FOXO1: variants seen among roughly 807,000 people sequenced by gnomAD.
FOXO1 encodes forkhead box protein O1.
Under a neutral mutation model 44.1 loss-of-function variants are expected in FOXO1, and 6 were observed. The observed-to-expected ratio is 0.14, with a 90% confidence interval of 0.07 to 0.27. The LOEUF is 0.27. Among genes scored for constraint, FOXO1 ranks in the 10% least tolerant of loss-of-function variants. FOXO1 has a pLI of 1.00. For missense variants in FOXO1, 737 were observed against 888.8 expected (o/e 0.83, Z 2.17); for synonymous variants, 380 against 362.7 (o/e 1.05, Z -0.54).
At chr13:40,581,503 T>C (rs1044183274) in intron 1 of FOXO1, among the ~76,000 whole-genome samples, 8 of 152,202 alleles carry the variant, frequency 5.3e-5, no homozygotes, top group East Asian at 1.9e-4. Flanking sequence ...ACTACACCCA[T>C]AGTAAATTAA....
rs185042026 is a variant in FOXO1, at chr13:40,623,967, G to A, written c.630+41616C>T. Among the ~76,000 whole-genome samples, 136 of 149,928 alleles carry A rather than the reference G, an allele frequency of 9.1e-4. 1 individual carries two copies. Among genetic ancestry groups the A allele is most frequent in the East Asian group, 4.5e-3 (23 of 5,090 alleles). ...TTTTTTTTTTTAATTAGCCAGGCACGGTGGCGCACGCCTGTAGTCCCAGCT... is the reference window on the plus strand; with the variant it reads ...TTTTTTTTTTTAATTAGCCAGGCACAGTGGCGCACGCCTGTAGTCCCAGCT... On this transcript the variant is annotated intron_variant, in intron 1 of 2. Coordinates refer to ENST00000379561, the MANE Select transcript of FOXO1 (RefSeq NM_002015.4).
intron 1 of FOXO1, among the ~76,000 whole-genome samples, chr13:40,584,572 C>T (rs771985434): frequency 2.0e-5 from 3 of 150,106 alleles, no homozygotes; most frequent in Non-Finnish European, 4.4e-5. Flanking sequence ...CACCTGAGCC[C>T]GGGTAGGTTG....
chr13:40,583,297 G>T (rs1319992061), intron 1 of FOXO1, among the ~76,000 whole-genome samples: 1 of 152,122 alleles, frequency 6.6e-6, no homozygotes, highest in Non-Finnish European at 1.5e-5. Flanking sequence ...ACTTCTTAAG[G>T]GCACTAGAAT....
chr13:40,578,398 C>T (rs1282902803), intron 1 of FOXO1, among the ~76,000 whole-genome samples: 1 of 152,176 alleles, frequency 6.6e-6, no homozygotes, highest in East Asian at 1.9e-4. Flanking sequence ...GTATGAAATC[C>T]TGGAGGCATG....
At position 40,560,987 on chromosome 13, in the gene FOXO1, C is replaced by T; in HGVS notation, c.631-127G>A. 1.2e-6 allele frequency: 1 copy of T among 865,604 alleles called. No individual in the cohort carries two copies. Among genetic ancestry groups the T allele is most frequent in the Non-Finnish European group, 1.7e-6 (1 of 574,764 alleles). The allele number at this position is 865,604 out of a possible 1,614,324, so 53.6% of individuals were successfully genotyped here. A position where few individuals can be genotyped will look rare whatever the true frequency, so the allele number is the denominator to read the frequency against. ...TGTGTGCTACAGATTTCCATCTGAA[C>T]AGTCCTAATGGCTCTGAAGCCACTA... On this transcript the variant is annotated intron_variant, in intron 1 of 2. Transcript: ENST00000379561. This position sits in a 1 kb window ranked among gnomAD's most constrained non-coding sequence, Gnocchi z 5.1.
At chr13:40,575,729 G>A (rs1189356152) in intron 1 of FOXO1, among the ~76,000 whole-genome samples, 5 of 152,126 alleles carry the variant, frequency 3.3e-5, no homozygotes, top group African/African-American at 7.2e-5. Context: ...ATAACAAGTA[G>A]GCATTAAGGC....
At chr13:40,630,223 T>C (rs1876916298) in intron 1 of FOXO1, among the ~76,000 whole-genome samples, 1 of 152,094 alleles carries the variant, frequency 6.6e-6, no homozygotes, top group Non-Finnish European at 1.5e-5. Flanking sequence ...CTGAAACTCT[T>C]GAGAATCTCT....
intron 1 of FOXO1, among the ~76,000 whole-genome samples, chr13:40,626,802 A>G (rs1266454047): frequency 1.3e-5 from 2 of 152,224 alleles, no homozygotes; most frequent in African/African-American, 4.8e-5. Flanking sequence ...CCTTAAAGCT[A>G]GAGAACAAAC....
At chr13:40,635,715 G>A (rs1225420557) in intron 1 of FOXO1, among the ~76,000 whole-genome samples, 1 of 152,206 alleles carries the variant, frequency 6.6e-6, no homozygotes, top group African/African-American at 2.4e-5. Context: ...TAAGGCTGAT[G>A]CCTTGTGCAG....
chr13:40,654,979 A>G (rs900838021), intron 1 of FOXO1, among the ~76,000 whole-genome samples: 8 of 152,136 alleles, frequency 5.3e-5, no homozygotes, highest in African/African-American at 1.9e-4. Context: ...TAATATCTTT[A>G]CTTACAAAAA....
At chr13:40,633,276 T>C (rs1235635001) in intron 1 of FOXO1, among the ~76,000 whole-genome samples, 2 of 152,040 alleles carry the variant, frequency 1.3e-5, no homozygotes, top group Non-Finnish European at 2.9e-5. Flanking sequence ...CCAAGAGAAA[T>C]GAAACATACA....
intron 1 of FOXO1, among the ~76,000 whole-genome samples, chr13:40,641,796 G>C (rs959811886): frequency 9.9e-5 from 15 of 151,946 alleles, no homozygotes; most frequent in African/African-American, 3.6e-4. Context: ...GACCAGCCTG[G>C]CCAACATGGT....
chr13:40,618,768 G>A (rs1876508164), intron 1 of FOXO1: 3 of 502,268 alleles, frequency 6.0e-6, no homozygotes, highest in Non-Finnish European at 1.2e-5. Context: ...ATCAGATGGT[G>A]GTGGTGACGA....
At chr13:40,589,117 ATAAG>A (rs1875279727) in intron 1 of FOXO1, among the ~76,000 whole-genome samples, 1 of 152,202 alleles carries the variant, frequency 6.6e-6, no homozygotes, top group Non-Finnish European at 1.5e-5. Flanking sequence ...AAAAAAATAA[ATAAG>A]TAAATAAATG....
At chr13:40,611,774 A>G (rs141928424) in intron 1 of FOXO1, among the ~76,000 whole-genome samples, 4 of 152,336 alleles carry the variant, frequency 2.6e-5, no homozygotes, top group Middle Eastern at 6.8e-3. Flanking sequence ...GTAAAATGTA[A>G]AAACCCTAAA....
At chr13:40,578,825 A>G (rs768224772) in intron 1 of FOXO1, among the ~76,000 whole-genome samples, 1 of 152,170 alleles carries the variant, frequency 6.6e-6, no homozygotes, top group Non-Finnish European at 1.5e-5. Context: ...GTTCCCTTAG[A>G]CTTTGTTTTG....
rs554193370 is a variant in FOXO1, at chr13:40,559,560, C to G, written c.1931G>C (p.Ser644Thr). ...CCAGCTATGTGTCGTTGTCTTGACA[C>G]TGTGTGGGAAGCTTTGGTTGGGCAA... ...NVLPNQSFPHSVKTTTHSWVS... is the reference protein window; with the variant it reads ...NVLPNQSFPHTVKTTTHSWVS... Residue 644 changes from serine to threonine, a missense_variant, in exon 2 of 3, where the codon AGT (serine) becomes ACT (threonine). Around this residue, in one of 7 missense-constraint regions of FOXO1, gnomAD observed 45 missense variants for 78.3 expected, o/e 0.57. Transcript: ENST00000379561. 2 of 1,610,732 alleles carry G rather than the reference C, an allele frequency of 1.2e-6. No individual in the cohort carries two copies. The highest frequency in any genetic ancestry group is 4.5e-5 in the East Asian group (2 of 44,874).
At chr13:40,599,050 TTG>T (rs1566071537) in intron 1 of FOXO1, among the ~76,000 whole-genome samples, 4 of 151,998 alleles carry the variant, frequency 2.6e-5, no homozygotes, top group African/African-American at 9.7e-5. Flanking sequence ...GAAGGGAGAA[TTG>T]CTTATTCCAT....
chr13:40,622,609 G>C (rs1316241993), intron 1 of FOXO1, among the ~76,000 whole-genome samples: 1 of 152,042 alleles, frequency 6.6e-6, no homozygotes, highest in Non-Finnish European at 1.5e-5. Flanking sequence ...AAATCACCAA[G>C]CCTCCTGCCT....
Sources: gnomAD v4.1 joint callset for allele counts (sites outside exome capture counted in the v4.1 genomes callset) on GRCh38, gnomAD v4.1.1 for gene constraint, gnomAD v4.1.1 regional missense constraint, Gnocchi (gnomAD v3.1) non-coding constraint, MANE v1.5 for transcripts, NCBI Gene and HGNC (gene_info 2026-07-23, HGNC 2026-07-21) for gene names.